The following ZNF445 variants were observed in gnomAD, a reference collection of about 807,000 sequenced individuals.
ZNF445 encodes the protein zinc finger protein 445.
ZNF445 carries 19 observed loss-of-function variants against 93.9 expected under a neutral mutation model. That is an observed-to-expected ratio of 0.20 (90% CI 0.14 to 0.30). The LOEUF is 0.30. Among genes scored for constraint, ZNF445 ranks in the 10% least tolerant of loss-of-function variants. The pLI, the probability that ZNF445 is intolerant of heterozygous loss-of-function variation, is 1.00. For synonymous variants in ZNF445, 449 were observed against 446.3 expected, an observed-to-expected ratio of 1.01 and a Z score of -0.08; for missense variants, 1,058 against 1,259.4, an observed-to-expected ratio of 0.84 and a Z score of 2.42.
intron 2 of ZNF445, among the ~76,000 whole-genome samples, chr3:44,456,427 A>T (rs895064127): frequency 6.6e-5 from 10 of 152,196 alleles, no homozygotes; most frequent in African/African-American, 2.4e-4. Context: ...AAAACAAGCA[A>T]GCAAGCAAGC....
At chr3:44,476,245 G>A (rs570976029) in intron 1 of ZNF445, among the ~76,000 whole-genome samples, 1 of 152,184 alleles carries the variant, frequency 6.6e-6, no homozygotes, top group South Asian at 2.1e-4. Flanking sequence ...CCTGGATACC[G>A]GAAGCCAGAG....
intron 3 of ZNF445, among the ~76,000 whole-genome samples, chr3:44,452,377 T>C (rs920121448): frequency 7.2e-4 from 110 of 151,902 alleles, no homozygotes; most frequent in African/African-American, 2.4e-3. Flanking sequence ...AAAAAGAATA[T>C]GGAAGCACAG....
At chr3:44,462,325 T>C (rs1268866628) in intron 1 of ZNF445, among the ~76,000 whole-genome samples, 2 of 152,212 alleles carry the variant, frequency 1.3e-5, no homozygotes, top group Non-Finnish European at 2.9e-5. Context: ...TACTTTCTCT[T>C]GGTTTCCGCC....
intron 7 of ZNF445, 98 bp downstream of exon 7, chr3:44,449,415 G>T: frequency 2.0e-6 from 2 of 1,023,136 alleles, no homozygotes; most frequent in Non-Finnish European, 1.5e-6. Flanking sequence ...CTTCCTTCCA[G>T]CAAACAATGG....
chr3:44,464,998 C>T (rs1035793425), intron 1 of ZNF445, among the ~76,000 whole-genome samples: 3 of 145,804 alleles, frequency 2.1e-5, no homozygotes, highest in African/African-American at 7.6e-5. Flanking sequence ...ACCCGGCAGG[C>T]GGAGGTTGCA....
rs1697848641 is a variant in ZNF445 at position 44,444,069 on chromosome 3, T to C, written c.*2506A>G. 1.3e-5 allele frequency: 2 copies of C among 152,160 alleles called. No individual in the cohort carries two copies. Among genetic ancestry groups the C allele is most frequent in the Non-Finnish European group, 2.9e-5 (2 of 68,032 alleles). 9.4% of individuals were successfully genotyped at this position (152,160 alleles called of 1,614,324 possible). ...GGGAGGCTCAGATGGGACCTGAGCC[T>C]GGGAGGTCAAGGCTGCAGTAAGCTG... On this transcript the variant is annotated 3_prime_UTR_variant, in exon 8 of 8. Transcript: ENST00000396077.
chr3:44,435,575 C>T lies in ZNF445; in HGVS notation c.*11000G>A, dbSNP rs1242840949. 1 of 152,204 alleles carries T rather than the reference C, an allele frequency of 6.6e-6. No individual in the cohort carries two copies. The highest frequency in any genetic ancestry group is 1.5e-5 in the Non-Finnish European group (1 of 68,032). 9.4% of individuals were successfully genotyped at this position (152,204 alleles called of 1,614,324 possible). A position where few individuals can be genotyped will look rare whatever the true frequency, so the allele number is the denominator to read the frequency against. On this transcript the variant is annotated 3_prime_UTR_variant, in exon 8 of 8. Coordinates refer to ENST00000396077, the MANE Select transcript of ZNF445 (RefSeq NM_181489.6). ...TCTTTGATGGTGGCACTAATCTCAA[C>T]AATCTCTCCAGGAATGTGGTATTAG...
chr3:44,451,909 T>C (rs1422991669), intron 3 of ZNF445, among the ~76,000 whole-genome samples: 1 of 152,186 alleles, frequency 6.6e-6, no homozygotes, highest in Non-Finnish European at 1.5e-5. Flanking sequence ...TCAAGTAATA[T>C]CTACTGTCAA....
chr3:44,452,357 TAAA>T (rs542459626), intron 3 of ZNF445, among the ~76,000 whole-genome samples: 1 of 138,936 alleles, frequency 7.2e-6, no homozygotes, highest in Non-Finnish European at 1.6e-5. Flanking sequence ...AAGGAAGAAT[TAAA>T]AAAAAAAAAA....
At position 44,432,815 on chromosome 3, in the gene ZNF445, G is replaced by A. The variant is rs1028802225; in HGVS notation, c.*13760C>T. The A allele has an allele frequency of 2.0e-5, 3 of 152,198 alleles. No individual in the cohort carries two copies. The highest frequency in any genetic ancestry group is 4.4e-5 in the Non-Finnish European group (3 of 68,058). 9.4% of individuals were successfully genotyped at this position (152,198 alleles called of 1,614,324 possible). On this transcript the variant is annotated 3_prime_UTR_variant, in exon 8 of 8. Coordinates refer to ENST00000396077, the MANE Select transcript of ZNF445 (RefSeq NM_181489.6). ...ATCCCTGAATGGCAGAACCCAACAA[G>A]GAACCAGCTGGCGAAGCAGCATCGT...
In ZNF445 at chr3:44,440,006, G is replaced by A. The variant is rs935311975; in HGVS notation, c.*6569C>T. ...GCTTGTCCAGATCCAGGCAAACTGAGGGGGAGAGCTTGAATGCTATTAGCA... is the reference window on the plus strand; with the variant it reads ...GCTTGTCCAGATCCAGGCAAACTGAAGGGGAGAGCTTGAATGCTATTAGCA... On this transcript the variant is annotated 3_prime_UTR_variant, in exon 8 of 8. Transcript: ENST00000396077. The A allele has an allele frequency of 1.4e-4, 21 of 152,216 alleles. No homozygotes were observed. Among genetic ancestry groups the A allele is most frequent in the Admixed American group, 1.4e-3 (21 of 15,286 alleles). 9.4% of individuals were successfully genotyped at this position (152,216 alleles called of 1,614,324 possible).
chr3:44,450,428 G>A lies in ZNF445; in HGVS notation c.820+19C>T, dbSNP rs1361427877. ...CAGAAATAAAGATGGATAGAAGCAT[G>A]AGGATATCGATTACTTACCCAGGGA... is the stretch of plus-strand genomic sequence containing the variant. On this transcript the variant is annotated intron_variant, in intron 6 of 7. Transcript: ENST00000396077. 2 of 1,614,114 alleles carry A rather than the reference G, an allele frequency of 1.2e-6. No individual in the cohort carries two copies. Among genetic ancestry groups the A allele is most frequent in the Non-Finnish European group, 8.5e-7 (1 of 1,179,998 alleles).
chr3:44,448,601 T>C lies in ZNF445; in HGVS notation c.1070A>G (p.Gln357Arg). 1 of 1,614,196 alleles carries C rather than the reference T, an allele frequency of 6.2e-7. No homozygotes were observed. The highest frequency in any genetic ancestry group is 8.5e-7 in the Non-Finnish European group (1 of 1,180,046). ...ACATTGATCCTTCTGCCTGCTCTTC[T>C]GTTGAAAAGATTCTCTGAGCCCAAT... The part of the protein sequence containing the change: ...EGIGLRESFQ[Q>R]KSRQKDQCEN... The change falls in exon 8 of 8, where the codon CAG becomes CGG. Residue 357 changes from glutamine (Q) to arginine (R), a missense_variant. Gln to Arg is a conservative substitution (Grantham distance 43, BLOSUM62 1). Transcript: ENST00000396077.
Position 44,448,718 on chromosome 3 carries a change from G to A in ZNF445, c.953C>T (p.Thr318Ile). Reference protein sequence around the residue: ...APTGDDLQSKTNKFILNQEPL... With the variant: ...APTGDDLQSKINKFILNQEPL... ...TTCCTGATTTAAGATGAATTTGTTT[G>A]TTTTACTCTGGAGGTCATCTCCTGA... Residue 318 changes from threonine to isoleucine, a missense_variant, in exon 8 of 8, where the codon ACA (threonine) becomes ATA (isoleucine). Thr to Ile is a moderately conservative substitution (Grantham distance 89, BLOSUM62 -1). Around this residue, in one of 3 missense-constraint regions of ZNF445, gnomAD observed 657 missense variants for 746.4 expected, o/e 0.88. Transcript: ENST00000396077. 1 of 1,612,668 alleles carries A rather than the reference G, an allele frequency of 6.2e-7. No individual in the cohort carries two copies. Among genetic ancestry groups the A allele is most frequent in the Middle Eastern group, 1.7e-4 (1 of 6,056 alleles).
chr3:44,470,697 C>T (rs866855322), intron 1 of ZNF445, among the ~76,000 whole-genome samples: 1 of 152,294 alleles, frequency 6.6e-6, no homozygotes, highest in Non-Finnish European at 1.5e-5. Flanking sequence ...AAAGGGCTCT[C>T]CTTCCTTATT....
chr3:44,453,441 C>T (rs1697983898), intron 3 of ZNF445, among the ~76,000 whole-genome samples: 1 of 151,812 alleles, frequency 6.6e-6, no homozygotes, highest in African/African-American at 2.4e-5. Flanking sequence ...TCTACAGGTG[C>T]ACACCACCAC....
chr3:44,449,150 G>C (rs1239884325), intron 7 of ZNF445, among the ~76,000 whole-genome samples: 1 of 152,174 alleles, frequency 6.6e-6, no homozygotes, highest in Non-Finnish European at 1.5e-5. Context: ...ACAGGAGTGG[G>C]ATGAGGGCTC....
chr3:44,453,399 A>G (rs1331762655), intron 3 of ZNF445, among the ~76,000 whole-genome samples: 1 of 151,798 alleles, frequency 6.6e-6, no homozygotes, highest in Non-Finnish European at 1.5e-5. Context: ...GGTTCAAGCA[A>G]TTCTCCTGCC....
chr3:44,460,355 C>T (rs1296414955), intron 1 of ZNF445, among the ~76,000 whole-genome samples: 1 of 152,182 alleles, frequency 6.6e-6, no homozygotes, highest in Non-Finnish European at 1.5e-5. Context: ...CAAAGCAGAT[C>T]TCCTTCTTGC....
Sources: allele counts gnomAD v4.1 joint callset (sites outside exome capture counted in the v4.1 genomes callset), GRCh38; gene constraint gnomAD v4.1.1; regional missense constraint gnomAD v4.1.1; transcripts MANE v1.5; gene names NCBI Gene and HGNC (gene_info 2026-07-23, HGNC 2026-07-21).